Variants in CNTNAP2 observed in about 807,000 individuals in gnomAD.
CNTNAP2 encodes the protein contactin-associated protein-like 2.
In CNTNAP2, 98 loss-of-function variants were observed where a neutral mutation model predicts 155.2. That is an observed-to-expected ratio of 0.63 (90% CI 0.54 to 0.75). The LOEUF is 0.75. Among genes scored for constraint, CNTNAP2 ranks in the 30% least tolerant of loss-of-function variants. The pLI is 0.00. For synonymous variants in CNTNAP2, 651 were observed against 631.2 expected, an observed-to-expected ratio of 1.03 and a Z score of -0.47; for missense variants, 1,727 against 1,688.1, an observed-to-expected ratio of 1.02 and a Z score of -0.40.
At chr7:146,424,724 TAAG>T (rs2129115080) in intron 1 of CNTNAP2, among the ~76,000 whole-genome samples, 2 of 152,302 alleles carry the variant, frequency 1.3e-5, no homozygotes, top group African/African-American at 4.8e-5. Flanking sequence ...CCGTCCATTC[TAAG>T]AATAACAGTC....
chr7:147,012,154 T>C (rs1235538934), intron 3 of CNTNAP2, among the ~76,000 whole-genome samples: 1 of 152,078 alleles, frequency 6.6e-6, no homozygotes, highest in East Asian at 1.9e-4. Flanking sequence ...TATGATGGGG[T>C]GGGAAGGAGT....
At position 147,099,242 on chromosome 7, in the gene CNTNAP2, A is replaced by G. The variant is rs534498089; in HGVS notation, c.551-8905A>G. On this transcript the variant is annotated intron_variant, in intron 4 of 23. Transcript: ENST00000361727. Reference sequence around the variant, plus strand: ...CATGGTCCAGAAGAGAGAAAGCTGGATAAAGGAAGCAGTTGGGGTGTGGAC... The same window carrying G: ...CATGGTCCAGAAGAGAGAAAGCTGGGTAAAGGAAGCAGTTGGGGTGTGGAC... Among the ~76,000 whole-genome samples, 22 of 152,282 alleles carry G rather than the reference A, an allele frequency of 1.4e-4. No individual in the cohort carries two copies. In the East Asian group the frequency reaches 4.3e-3, roughly 29 times the overall value.
At chr7:146,773,071 A>T (rs1451019422) in intron 1 of CNTNAP2, among the ~76,000 whole-genome samples, 1 of 152,126 alleles carries the variant, frequency 6.6e-6, no homozygotes, top group East Asian at 1.9e-4. Flanking sequence ...TTAGCCCTCC[A>T]TGCCATTTCC....
intron 13 of CNTNAP2, among the ~76,000 whole-genome samples, chr7:147,794,827 AT>A (rs1030156964): frequency 4.0e-5 from 6 of 151,082 alleles, no homozygotes; most frequent in East Asian, 1.9e-4. Flanking sequence ...GGTAGTTTGT[AT>A]TTTTTTAGGA....
At position 148,125,421 on chromosome 7, in the gene CNTNAP2, C is replaced by T. The variant is rs535454085; in HGVS notation, c.2554+7133C>T. On this transcript the variant is annotated intron_variant, in intron 16 of 23. Coordinates refer to ENST00000361727, the MANE Select transcript of CNTNAP2 (RefSeq NM_014141.6). ...ATCCTCTCCCTCCTCCCGCCCTCCA[C>T]GCTTAGTACACGTATCCATGCGTAC... 5.9e-5 allele frequency among the ~76,000 whole-genome samples: 9 copies of T among 152,222 alleles called. No individual in the cohort carries two copies. The East Asian group carries it at 7.7e-4, about 13-fold the overall frequency.
intron 8 of CNTNAP2, among the ~76,000 whole-genome samples, chr7:147,296,495 A>G (rs912785867): frequency 6.6e-6 from 1 of 152,232 alleles, no homozygotes; most frequent in Non-Finnish European, 1.5e-5. Context: ...TGTTCTTCAG[A>G]ATATTTGAAA....
chr7:146,814,894 TCA>T (rs946818590), intron 2 of CNTNAP2, among the ~76,000 whole-genome samples: 80 of 152,142 alleles, frequency 5.3e-4, no homozygotes, highest in African/African-American at 1.9e-3. Flanking sequence ...CACCCACTTA[TCA>T]GTAAGACACG....
intron 1 of CNTNAP2, among the ~76,000 whole-genome samples, chr7:146,721,889 A>ATTTTTTTTTTTT (rs71527797): frequency 4.3e-5 from 3 of 69,708 alleles, no homozygotes; most frequent in South Asian, 6.4e-4. Context: ...ATATATATAT[A>ATTTTTTTTTTTT]TTTTTTTTTT....
chr7:148,303,039 G>A lies in CNTNAP2; in HGVS notation c.3475+35913G>A, dbSNP rs139714210. Among the ~76,000 whole-genome samples, 468 of 151,952 alleles carry A rather than the reference G, an allele frequency of 3.1e-3. 2 individuals carry two copies. The highest frequency in any genetic ancestry group is 0.01 in the African/African-American group (417 of 41,468). On this transcript the variant is annotated intron_variant, in intron 21 of 23. Transcript: ENST00000361727. ...TCACATGTTGGCCATAGTTGATCCT[G>A]ATCTCTCAGGAGATCTGCCCACCTT...
At chr7:147,101,259 A>G (rs190189649) in intron 4 of CNTNAP2, among the ~76,000 whole-genome samples, 1 of 152,260 alleles carries the variant, frequency 6.6e-6, no homozygotes, top group Admixed American at 6.5e-5. Context: ...GTTTATTTCA[A>G]AAAGGTCTTT....
chr7:146,972,303 A>G (rs1797817618), intron 3 of CNTNAP2, among the ~76,000 whole-genome samples: 2 of 152,226 alleles, frequency 1.3e-5, no homozygotes, highest in South Asian at 4.1e-4. Flanking sequence ...GTAGCCTAGT[A>G]TTTCATTTAA....
chr7:146,296,474 T>C (rs529965814), intron 1 of CNTNAP2, among the ~76,000 whole-genome samples: 1 of 152,216 alleles, frequency 6.6e-6, no homozygotes, highest in Non-Finnish European at 1.5e-5. Context: ...GCAACAGACA[T>C]ATGGTTACAA....
In CNTNAP2 at chr7:147,530,087, A is replaced by G. The variant is rs146468877; in HGVS notation, c.1778-32051A>G. ...ATTAGTCTGTTTTCACACTGCTGAT[A>G]AGGACATACCTGAGACTGCTAAGAA... On this transcript the variant is annotated intron_variant, in intron 11 of 23. Coordinates refer to ENST00000361727, the MANE Select transcript of CNTNAP2 (RefSeq NM_014141.6). 1.1e-4 allele frequency among the ~76,000 whole-genome samples: 16 copies of G among 152,336 alleles called. No homozygotes were observed. The East Asian group carries it at 2.7e-3, about 26-fold the overall frequency.
intron 3 of CNTNAP2, among the ~76,000 whole-genome samples, chr7:146,933,381 C>T (rs1265592808): frequency 6.6e-6 from 1 of 150,858 alleles, no homozygotes; most frequent in East Asian, 1.9e-4. Context: ...AACTGGCTAG[C>T]CATACGTAGA....
chr7:146,645,308 G>A (rs344483), intron 1 of CNTNAP2, among the ~76,000 whole-genome samples: 4,509 of 152,250 alleles, frequency 0.03, 236 homozygotes, highest in African/African-American at 0.1. Flanking sequence ...CTAGTCATAG[G>A]TAGTGCAGAT....
intron 1 of CNTNAP2, among the ~76,000 whole-genome samples, chr7:146,173,469 C>T (rs533140223): frequency 1.2e-3 from 178 of 152,132 alleles, no homozygotes; most frequent in African/African-American, 4.2e-3. Flanking sequence ...CCACAACACA[C>T]ACACTTATAT....
intron 8 of CNTNAP2, among the ~76,000 whole-genome samples, chr7:147,232,732 G>GA (rs1255452391): frequency 3.9e-5 from 6 of 151,924 alleles, no homozygotes; most frequent in Admixed American, 1.3e-4. Context: ...AATATTCCTA[G>GA]AAAAAAACGT....
At chr7:146,903,132 T>C (rs1436699432) in intron 3 of CNTNAP2, among the ~76,000 whole-genome samples, 1 of 152,174 alleles carries the variant, frequency 6.6e-6, no homozygotes, top group Non-Finnish European at 1.5e-5. Flanking sequence ...TTAAACAGGG[T>C]ATTGTTCAGT....
At chr7:147,187,496 T>C (rs1206750513) in intron 8 of CNTNAP2, among the ~76,000 whole-genome samples, 1 of 152,000 alleles carries the variant, frequency 6.6e-6, no homozygotes, top group Non-Finnish European at 1.5e-5. Context: ...TTATGCTAAG[T>C]GAACTAACCT....
Sources: gnomAD v4.1 joint callset for allele counts (sites outside exome capture counted in the v4.1 genomes callset) on GRCh38, gnomAD v4.1.1 for gene constraint, MANE v1.5 for transcripts, NCBI Gene and HGNC (gene_info 2026-07-23, HGNC 2026-07-21) for gene names.